HYCC2: variants seen among roughly 807,000 people sequenced by gnomAD.
The protein encoded by HYCC2 is hyccin PI4KA lipid kinase complex subunit 2.
At chr2:201,046,977 T>A in the HYCC2 span, among the ~76,000 whole-genome samples, 2 of 152,084 alleles carry the variant, frequency 1.3e-5, no homozygotes, top group African/African-American at 4.8e-5. Context: ...AGAATCAGAC[T>A]CACAGATAAT....
At chr2:201,034,593 T>A in the HYCC2 span, among the ~76,000 whole-genome samples, 1 of 152,232 alleles carries the variant, frequency 6.6e-6, no homozygotes, top group African/African-American at 2.4e-5. Context: ...ATTGGAGGAT[T>A]TAGCCCATTT....
chr2:201,054,555 G>C, the HYCC2 span, among the ~76,000 whole-genome samples: 1 of 152,104 alleles, frequency 6.6e-6, no homozygotes. Context: ...ATTTCTCCAA[G>C]GAACCCCTTT....
chr2:201,064,799 T>G, the HYCC2 span, among the ~76,000 whole-genome samples: 16 of 152,316 alleles, frequency 1.1e-4, no homozygotes, highest in African/African-American at 3.6e-4. Context: ...ATCCTAACAA[T>G]TCTTCTTAAA....
At chr2:201,021,230 G>A in the HYCC2 span, among the ~76,000 whole-genome samples, 5 of 152,016 alleles carry the variant, frequency 3.3e-5, no homozygotes, top group African/African-American at 9.7e-5. Context: ...AAATTCTATA[G>A]AATTTATCAT....
At chr2:201,033,312 T>C in the HYCC2 span, among the ~76,000 whole-genome samples, 2 of 151,944 alleles carry the variant, frequency 1.3e-5, no homozygotes, top group Admixed American at 1.3e-4. Flanking sequence ...TCAAGCAATC[T>C]TCACACCTCA....
the HYCC2 span, among the ~76,000 whole-genome samples, chr2:201,047,445 CATATAT>C: frequency 2.9e-5 from 4 of 139,602 alleles, no homozygotes; most frequent in Admixed American, 7.0e-5. Flanking sequence ...TCACAGTTCT[CATATAT>C]ATATATATAT....
chr2:200,992,859 C>A, the HYCC2 span: 1 of 1,303,494 alleles, frequency 7.7e-7, no homozygotes, highest in Non-Finnish European at 1.1e-6. Context: ...AGGAAGAATT[C>A]ATACAATTTT....
the HYCC2 span, among the ~76,000 whole-genome samples, chr2:201,035,300 T>C: frequency 6.6e-6 from 1 of 152,186 alleles, no homozygotes; most frequent in Non-Finnish European, 1.5e-5. Flanking sequence ...TTTGTTCGTT[T>C]CTTTTTATTC....
At chr2:201,065,013 G>A in the HYCC2 span, among the ~76,000 whole-genome samples, 3 of 152,142 alleles carry the variant, frequency 2.0e-5, no homozygotes, top group Admixed American at 6.5e-5. Flanking sequence ...GTATACGTGT[G>A]TGTATAGCTC....
chr2:200,991,787 G>C, the HYCC2 span, among the ~76,000 whole-genome samples: 2 of 151,898 alleles, frequency 1.3e-5, no homozygotes, highest in African/African-American at 4.8e-5. Flanking sequence ...TAGGCTGGGT[G>C]TGGTGTCACA....
At chr2:201,022,948 A>G in the HYCC2 span, 2 of 1,539,382 alleles carry the variant, frequency 1.3e-6, no homozygotes, top group Non-Finnish European at 1.8e-6. Flanking sequence ...AGAAACCACC[A>G]AAGGAAAACA....
the HYCC2 span, among the ~76,000 whole-genome samples, chr2:201,066,267 T>C: frequency 4.7e-4 from 71 of 152,218 alleles, no homozygotes; most frequent in African/African-American, 1.7e-3. Context: ...AGAGACAGGG[T>C]TTCACCATGT....
At chr2:200,997,438 T>C in the HYCC2 span, 1 of 1,559,232 alleles carries the variant, frequency 6.4e-7, no homozygotes, top group African/African-American at 1.4e-5. Context: ...ATAATCACTC[T>C]TCTCACCTGG....
the HYCC2 span, among the ~76,000 whole-genome samples, chr2:201,007,091 G>C: frequency 1.3e-5 from 2 of 152,226 alleles, no homozygotes; most frequent in South Asian, 2.1e-4. Flanking sequence ...CATAATGATA[G>C]TATCTGTCAT....
the HYCC2 span, among the ~76,000 whole-genome samples, chr2:201,003,191 TA>T: frequency 9.2e-5 from 14 of 152,166 alleles, no homozygotes; most frequent in African/African-American, 3.1e-4. Context: ...GCCTCCAGAG[TA>T]CCTAGGACCA....
At chr2:201,036,207 T>C in the HYCC2 span, among the ~76,000 whole-genome samples, 435 of 152,240 alleles carry the variant, frequency 2.9e-3, 2 homozygotes, top group African/African-American at 0.01. Flanking sequence ...AAGCTGAATC[T>C]CTGAATTGAC....
At chr2:200,981,205 GTCT>G in the HYCC2 span, 1 of 1,541,742 alleles carries the variant, frequency 6.5e-7, no homozygotes, top group Non-Finnish European at 8.8e-7. The surrounding 1 kb of genome is among the most constrained non-coding windows in gnomAD (Gnocchi z 4.5). Context: ...GGGATGAAGT[GTCT>G]TCTTGCACAA....
chr2:201,009,439 A>C, the HYCC2 span: 1 of 167,648 alleles, frequency 6.0e-6, no homozygotes, highest in Non-Finnish European at 1.3e-5. Flanking sequence ...TATACAAACA[A>C]TATTAAAGAC....
chr2:200,994,704 T>C, the HYCC2 span, among the ~76,000 whole-genome samples: 1 of 152,064 alleles, frequency 6.6e-6, no homozygotes, highest in Admixed American at 6.6e-5. Context: ...TTTTTGTTAT[T>C]AAGAAATTCT....
Sources: gnomAD v4.1 joint callset for allele counts (sites outside exome capture counted in the v4.1 genomes callset) on GRCh38, gnomAD v4.1.1 for gene constraint, Gnocchi (gnomAD v3.1) non-coding constraint, MANE v1.5 for transcripts, NCBI Gene and HGNC (gene_info 2026-07-23, HGNC 2026-07-21) for gene names.